Variants in GPR37 observed in about 807,000 individuals in gnomAD.
GPR37 encodes the protein G protein-coupled receptor 37.
Under a neutral mutation model 43.6 loss-of-function variants are expected in GPR37, and 20 were observed. That is an observed-to-expected ratio of 0.46 (90% confidence interval 0.32 to 0.67). The LOEUF is 0.67. Among genes scored for constraint, GPR37 ranks in the 30% least tolerant of loss-of-function variants. The pLI, the probability that GPR37 is intolerant of heterozygous loss-of-function variation, is 0.03. For synonymous variants in GPR37, 315 were observed against 322.6 expected (o/e 0.98, Z 0.25); for missense variants, 724 against 797.2 (o/e 0.91, Z 1.11).
Position 124,744,951 on chromosome 7 carries a change from G to A in GPR37, c.*1574C>T, listed in dbSNP as rs1287560838. 6.6e-6 allele frequency: 1 copy of A among 152,070 alleles called. No homozygotes were observed. Among genetic ancestry groups the A allele is most frequent in the Non-Finnish European group, 1.5e-5 (1 of 68,010 alleles). 9.4% of individuals were successfully genotyped at this position (152,070 alleles called of 1,614,324 possible). ...AGAAATTTTCCAAAGACCTATTACA[G>A]GGATCTACAAGAAGACAAGGGCACC... On this transcript the variant is annotated 3_prime_UTR_variant, in exon 2 of 2. Coordinates refer to ENST00000303921, the MANE Select transcript of GPR37 (RefSeq NM_005302.5).
chr7:124,760,526 C>T (rs945523564), intron 1 of GPR37, among the ~76,000 whole-genome samples: 8 of 152,100 alleles, frequency 5.3e-5, no homozygotes, highest in Non-Finnish European at 1.0e-4. Context: ...GCAGAACTTA[C>T]TGACAGTTTA....
At position 124,745,169 on chromosome 7, in the gene GPR37, C is replaced by T. The variant is rs953945929; in HGVS notation, c.*1356G>A. Among the ~76,000 whole-genome samples the T allele has an allele frequency of 6.6e-6, 1 of 152,096 alleles. No individual in the cohort carries two copies. Among genetic ancestry groups the T allele is most frequent in the East Asian group, 1.9e-4 (1 of 5,190 alleles). On this transcript the variant is annotated 3_prime_UTR_variant, in exon 2 of 2. Transcript: ENST00000303921. ...AAAAGGAATACTGACTTACTTATGC[C>T]GAGTAGAACAGAAATCAACAAGCAG...
chr7:124,761,708 C>A (rs1793853484), intron 1 of GPR37, among the ~76,000 whole-genome samples: 1 of 152,166 alleles, frequency 6.6e-6, no homozygotes, highest in Admixed American at 6.5e-5. Flanking sequence ...CCTGGAGACA[C>A]ACTTTTATTT....
Position 124,764,731 on chromosome 7 carries a change from C to G in GPR37, c.246G>C (p.Ala82=), listed in dbSNP as rs990289975. The G allele has an allele frequency of 1.2e-6, 2 of 1,609,306 alleles. No individual in the cohort carries two copies. Among genetic ancestry groups the G allele is most frequent in the Non-Finnish European group, 1.7e-6 (2 of 1,179,394 alleles). ...CCGCCGGCAGGTCCCAGGAGGGTCC[C>G]GCAAGAAACGCTGCCCCCTGCTCCT... is the stretch of plus-strand genomic sequence containing the variant. The part of the protein sequence containing the change: ...PREEQGAAFL[A]GPSWDLPAAP... Residue 82 remains alanine, a synonymous_variant, in exon 1 of 2, where the codon GCG becomes GCC. Coordinates refer to ENST00000303921, the MANE Select transcript of GPR37 (RefSeq NM_005302.5). The surrounding 1 kb of genome is among the most constrained non-coding windows in gnomAD (Gnocchi z 5.4).
At chr7:124,754,009 A>G (rs964731513) in intron 1 of GPR37, among the ~76,000 whole-genome samples, 2 of 152,158 alleles carry the variant, frequency 1.3e-5, no homozygotes, top group African/African-American at 4.8e-5. Flanking sequence ...AAAGTAAGAA[A>G]AAAATGTATC....
At position 124,746,939 on chromosome 7, in the gene GPR37, A is replaced by G; in HGVS notation, c.1428T>C (p.Cys476=). Residue 476 remains cysteine (C), a synonymous_variant, in exon 2 of 2, where the codon TGT becomes TGC. Coordinates refer to ENST00000303921, the MANE Select transcript of GPR37 (RefSeq NM_005302.5). ...GAATCTGCCGTTTATTCCCTCGGGT[A>G]CAGGCTTTCTCTGCTTTGCGGATTT... The part of the protein sequence containing the change: ...ARKIRKAEKA[C]TRGNKRQIQL... The G allele has an allele frequency of 6.2e-7, 1 of 1,614,080 alleles. No individual in the cohort carries two copies. The highest frequency in any genetic ancestry group is 8.5e-7 in the Non-Finnish European group (1 of 1,179,962).
At position 124,750,180 on chromosome 7, in the gene GPR37, T is replaced by G. The variant is rs147544172; in HGVS notation, c.1024-2837A>C. Among the ~76,000 whole-genome samples the G allele has an allele frequency of 7.0e-3, 1,071 of 152,288 alleles. 15 individuals carry two copies. The highest frequency in any genetic ancestry group is 0.024 in the African/African-American group (987 of 41,566). On this transcript the variant is annotated intron_variant, in intron 1 of 1. Coordinates refer to ENST00000303921, the MANE Select transcript of GPR37 (RefSeq NM_005302.5). ...AATTACAGTACCTTAGTTTATAGAT[T>G]TTTGAAACTTGACATTTGTATATTA...
Position 124,764,148 on chromosome 7 carries a change from T to A in GPR37, c.829A>T (p.Ile277Phe), listed in dbSNP as rs773981376. 3.1e-5 allele frequency: 50 copies of A among 1,606,766 alleles called. No individual in the cohort carries two copies. Among genetic ancestry groups the A allele is most frequent in the East Asian group, 2.2e-4 (10 of 44,814 alleles). ...LSVVIFGTGI[I>F]GNLAVMCIVC... Reference sequence around the variant, plus strand: ...ATGCACATCACCGCCAGGTTGCCAATGATGCCGGTCCCGAAGATCACCACG... The same window carrying A: ...ATGCACATCACCGCCAGGTTGCCAAAGATGCCGGTCCCGAAGATCACCACG... The change falls in exon 1 of 2, where the codon ATT becomes TTT. Residue 277 changes from isoleucine (I) to phenylalanine (F), a missense_variant. This residue lies in a region of GPR37 where 342 missense variants were observed against 441.8 expected (regional missense o/e 0.77). Transcript: ENST00000303921. The surrounding 1 kb of genome is among the most constrained non-coding windows in gnomAD (Gnocchi z 5.4).
chr7:124,747,201 C>G lies in GPR37; in HGVS notation c.1166G>C (p.Gly389Ala), dbSNP rs1383033511. The G allele has an allele frequency of 6.2e-7, 1 of 1,613,882 alleles. No homozygotes were observed. Residue 389 changes from glycine to alanine, a missense_variant, in exon 2 of 2, where the codon GGA becomes GCA. Around this residue, in one of 2 missense-constraint regions of GPR37, gnomAD observed 342 missense variants for 441.8 expected, o/e 0.77. Transcript: ENST00000303921. Reference sequence around the variant, plus strand: ...TTCTGGAAGTGCTAACAATAGAGCTCCCACCCATATAACAGCAAGTTTGGC... The same window carrying G: ...TTCTGGAAGTGCTAACAATAGAGCTGCCACCCATATAACAGCAAGTTTGGC... Reference protein sequence around the residue: ...TTAKLAVIWVGALLLALPEVV... With the variant: ...TTAKLAVIWVAALLLALPEVV...
At position 124,746,353 on chromosome 7, in the gene GPR37, CT is replaced by C. The variant is rs376667968; in HGVS notation, c.*171del. On this transcript the variant is annotated 3_prime_UTR_variant, in exon 2 of 2. Transcript: ENST00000303921. The stretch of plus-strand genomic sequence containing the variant: ...TTCTTCTTAAATAACTAAATAGAAA[CT>C]TTTTTTCAAAGCACAAATATTAATT... 6.3e-4 allele frequency: 299 copies of C among 473,348 alleles called. No individual in the cohort carries two copies. Among genetic ancestry groups the C allele is most frequent in the African/African-American group, 3.9e-3 (195 of 49,650 alleles). 29.3% of individuals were successfully genotyped at this position (473,348 alleles called of 1,614,324 possible).
At chr7:124,754,445 T>C (rs1365309953) in intron 1 of GPR37, among the ~76,000 whole-genome samples, 1 of 152,056 alleles carries the variant, frequency 6.6e-6, no homozygotes, top group African/African-American at 2.4e-5. Context: ...ATAAAGTAAA[T>C]TGTGTCTTTC....
intron 1 of GPR37, among the ~76,000 whole-genome samples, 169 bp from the exon 2 acceptor site, chr7:124,747,512 C>T (rs748684391): frequency 2.6e-5 from 4 of 151,962 alleles, no homozygotes; most frequent in East Asian, 3.9e-4. Flanking sequence ...GGGCTCAGGA[C>T]GTCAGCTGAA....
Position 124,746,929 on chromosome 7 carries a change from T to G in GPR37, c.1438A>C (p.Asn480His). The part of the protein sequence containing the change: ...RKAEKACTRG[N>H]KRQIQLESQM... ...CTCTCTAGTTGAATCTGCCGTTTAT[T>G]CCCTCGGGTACAGGCTTTCTCTGCT... Residue 480 changes from asparagine to histidine, a missense_variant, in exon 2 of 2, where the codon AAT becomes CAT. Around this residue, in one of 2 missense-constraint regions of GPR37, gnomAD observed 342 missense variants for 441.8 expected, o/e 0.77. Transcript: ENST00000303921. 6.2e-7 allele frequency: 1 copy of G among 1,614,064 alleles called. No homozygotes were observed. The highest frequency in any genetic ancestry group is 8.5e-7 in the Non-Finnish European group (1 of 1,179,968).
rs764215446 is a variant in GPR37, at chr7:124,764,984, T to C, written c.-8A>G. 6.8e-7 allele frequency: 1 copy of C among 1,462,120 alleles called. No individual in the cohort carries two copies. The highest frequency in any genetic ancestry group is 2.5e-5 in the Admixed American group (1 of 39,744). 90.6% of individuals were successfully genotyped at this position (1,462,120 alleles called of 1,614,324 possible). A position where few individuals can be genotyped will look rare whatever the true frequency, so the allele number is the denominator to read the frequency against. ...CGCGCCCGGGGCTCGCATGGCTTGG[T>C]GAGGGCACACCCGGCAGCCGCAGCT... On this transcript the variant is annotated 5_prime_UTR_variant, in exon 1 of 2. Transcript: ENST00000303921. The surrounding 1 kb of genome is among the most constrained non-coding windows in gnomAD (Gnocchi z 5.4).
At chr7:124,747,470 G>C in intron 1 of GPR37, 127 bp from the exon 2 acceptor site, 146 of 593,202 alleles carry the variant, frequency 2.5e-4, no homozygotes, top group Middle Eastern at 4.5e-4. Flanking sequence ...GAGAGAGAGA[G>C]AACAGTTTTC....
At position 124,747,297 on chromosome 7, in the gene GPR37, A is replaced by G. The variant is rs1263692505; in HGVS notation, c.1070T>C (p.Ile357Thr). 6.2e-7 allele frequency: 1 copy of G among 1,613,748 alleles called. No individual in the cohort carries two copies. Among genetic ancestry groups the G allele is most frequent in the Admixed American group, 1.7e-5 (1 of 59,984 alleles). ...VTTFTLCALC[I>T]DRFRAATNVQ... ...GTTGGTGGCAGCACGGAAGCGGTCT[A>G]TGCACAGAGCACATAAGGTGAAAGT... The change falls in exon 2 of 2, where the codon ATA (isoleucine) becomes ACA (threonine). Residue 357 changes from isoleucine to threonine, a missense_variant. Physicochemically the swap from Ile to Thr is moderately conservative, Grantham distance 89 (BLOSUM62 -1). Transcript: ENST00000303921.
rs1006861476 is a variant in GPR37 at position 124,746,692 on chromosome 7, C to T, written c.1675G>A (p.Ala559Thr). The T allele has an allele frequency of 3.7e-6, 6 of 1,613,806 alleles. No homozygotes were observed. The highest frequency in any genetic ancestry group is 5.1e-6 in the Non-Finnish European group (6 of 1,179,910). Reference protein sequence around the residue: ...LFCLCKPFSRAFMECCCCCCE... With the variant: ...LFCLCKPFSRTFMECCCCCCE... ...CAACAGCAGCAGCACTCCATGAAGG[C>T]CCGACTGAAGGGTTTGCAGAGACAG... is the stretch of plus-strand genomic sequence containing the variant. The change falls in exon 2 of 2, where the codon GCC becomes ACC. Residue 559 changes from alanine to threonine, a missense_variant. Around this residue, in one of 2 missense-constraint regions of GPR37, gnomAD observed 342 missense variants for 441.8 expected, o/e 0.77. Transcript: ENST00000303921.
intron 1 of GPR37, among the ~76,000 whole-genome samples, chr7:124,750,794 C>T (rs1793721679): frequency 6.6e-6 from 1 of 152,092 alleles, no homozygotes; most frequent in African/African-American, 2.4e-5. Context: ...TGTTAACTGC[C>T]TAAGAAAGCA....
intron 1 of GPR37, among the ~76,000 whole-genome samples, chr7:124,759,066 ATT>A (rs541602933): frequency 5.1e-4 from 70 of 137,054 alleles, no homozygotes; most frequent in Middle Eastern, 3.8e-3. Context: ...AATTATTTGA[ATT>A]TTTTTTTTTT....
Sources: allele counts gnomAD v4.1 joint callset (sites outside exome capture counted in the v4.1 genomes callset), GRCh38; gene constraint gnomAD v4.1.1; regional missense constraint gnomAD v4.1.1; non-coding constraint Gnocchi (gnomAD v3.1); transcripts MANE v1.5; gene names NCBI Gene and HGNC (gene_info 2026-07-23, HGNC 2026-07-21).